The following CADM3 variants were observed in gnomAD, a reference collection of about 807,000 sequenced individuals.
The protein encoded by CADM3 is cell adhesion molecule 3.
In CADM3, 11 loss-of-function variants were observed where a neutral mutation model predicts 44.9. The observed-to-expected ratio is 0.25, with a 90% confidence interval of 0.15 to 0.41. CADM3 has a LOEUF of 0.41. CADM3 is among the 10% of genes least tolerant of loss of function. CADM3 has a pLI of 1.00. For missense variants in CADM3, 426 were observed against 512.0 expected (o/e 0.83, Z 1.62); for synonymous variants, 207 against 205.2 (o/e 1.01, Z -0.08).
intron 5 of CADM3, chr1:159,194,263 A>G (rs1423982634): frequency 4.2e-6 from 2 of 477,986 alleles, no homozygotes; most frequent in Non-Finnish European, 7.4e-6. Context: ...TGTGTCAACT[A>G]CTTAATTCTC....
At chr1:159,191,077 G>A (rs1388381029) in intron 1 of CADM3, among the ~76,000 whole-genome samples, 3 of 152,296 alleles carry the variant, frequency 2.0e-5, no homozygotes, top group East Asian at 1.9e-4. Flanking sequence ...GGGGCTCCCC[G>A]GTAGGCGTGA....
intron 7 of CADM3, 22 bp from the exon 8 acceptor site, chr1:159,199,729 T>C: frequency 1.9e-6 from 3 of 1,614,128 alleles, no homozygotes; most frequent in Non-Finnish European, 2.5e-6. Flanking sequence ...GATCTGACTG[T>C]GTGTGTTGCC....
intron 1 of CADM3, among the ~76,000 whole-genome samples, chr1:159,184,715 A>G (rs1406316133): frequency 2.6e-5 from 4 of 152,248 alleles, no homozygotes; most frequent in East Asian, 1.9e-4. Flanking sequence ...ACTTTCCACT[A>G]AAGTTGCTTA....
intron 1 of CADM3, among the ~76,000 whole-genome samples, chr1:159,176,270 T>C (rs780814450): frequency 1.3e-5 from 2 of 152,220 alleles, no homozygotes; most frequent in Non-Finnish European, 2.9e-5. Context: ...TTTTCTTTTA[T>C]TTTTCATGTT....
intron 1 of CADM3, among the ~76,000 whole-genome samples, chr1:159,186,495 C>T (rs2281300): frequency 0.21 from 32,156 of 152,154 alleles, 4,579 homozygotes; most frequent in East Asian, 0.53. Flanking sequence ...CAGAGTACTC[C>T]TAAGTTTTCC....
intron 1 of CADM3, among the ~76,000 whole-genome samples, chr1:159,172,815 C>T (rs1648869544): frequency 6.6e-6 from 1 of 152,094 alleles, no homozygotes; most frequent in South Asian, 2.1e-4. Context: ...AGAGCCCCTC[C>T]CGCCCTGGGC....
intron 1 of CADM3, chr1:159,178,594 C>G (rs1346798779): frequency 1.3e-5 from 2 of 152,164 alleles, no homozygotes; most frequent in Non-Finnish European, 2.9e-5. Context: ...CTTAACTTCC[C>G]CACCTTTATA....
chr1:159,174,591 G>A (rs1648949216), intron 1 of CADM3, among the ~76,000 whole-genome samples: 1 of 152,204 alleles, frequency 6.6e-6, no homozygotes, highest in Non-Finnish European at 1.5e-5. Context: ...TCATTCCCTG[G>A]AGCACAGCAT....
At chr1:159,185,355 C>T (rs1354323193) in intron 1 of CADM3, among the ~76,000 whole-genome samples, 1 of 152,180 alleles carries the variant, frequency 6.6e-6, no homozygotes, top group African/African-American at 2.4e-5. Flanking sequence ...CCCCTGGCCA[C>T]AATGCAACAA....
Position 159,171,620 on chromosome 1 carries a change from C to T in CADM3, c.-146C>T. The stretch of plus-strand genomic sequence containing the variant: ...CCCGCGACTGCAGCAGCGCCGGCTC[C>T]CTCCCGGTCCCCACCTCGGCCCCGG... On this transcript the variant is annotated 5_prime_UTR_variant, in exon 1 of 9. Transcript: ENST00000368125. The T allele has an allele frequency of 2.2e-6, 1 of 463,854 alleles. No individual in the cohort carries two copies. Among genetic ancestry groups the T allele is most frequent in the Non-Finnish European group, 3.5e-6 (1 of 286,988 alleles). The allele number at this position is 463,854 out of a possible 1,614,324, so 28.7% of individuals were successfully genotyped here.
intron 5 of CADM3, chr1:159,194,246 C>G: frequency 3.9e-6 from 2 of 518,112 alleles, no homozygotes; most frequent in Non-Finnish European, 6.8e-6. Flanking sequence ...GAGACCCATA[C>G]AGCCTCTGTG....
intron 1 of CADM3, among the ~76,000 whole-genome samples, chr1:159,173,504 C>T (rs1648902653): frequency 6.6e-6 from 1 of 152,132 alleles, no homozygotes; most frequent in African/African-American, 2.4e-5. Context: ...GAGACAGCAG[C>T]CTCTCCTTTC....
Position 159,202,994 on chromosome 1 carries a change from A to C in CADM3, c.*2072A>C, listed in dbSNP as rs1650293489. The C allele has an allele frequency of 1.8e-5, 1 of 54,662 alleles. No homozygotes were observed. Among genetic ancestry groups the C allele is most frequent in the Non-Finnish European group, 3.3e-5 (1 of 30,044 alleles). The allele number at this position is 54,662 out of a possible 1,614,324, so 3.4% of individuals were successfully genotyped here. On this transcript the variant is annotated 3_prime_UTR_variant, in exon 9 of 9. Transcript: ENST00000368125. Reference sequence around the variant, plus strand: ...ATATTTGTACGGGGGGGTGGGAGGGAGAGGGGCTGTTGTGCTGTGTGTGTC... The same window carrying C: ...ATATTTGTACGGGGGGGTGGGAGGGCGAGGGGCTGTTGTGCTGTGTGTGTC...
chr1:159,183,172 C>T (rs532054962), intron 1 of CADM3, among the ~76,000 whole-genome samples: 3 of 152,296 alleles, frequency 2.0e-5, no homozygotes, highest in South Asian at 4.1e-4. Context: ...ATCTAAATCT[C>T]TTAGATAATC....
At chr1:159,177,902 T>C (rs894902277) in intron 1 of CADM3, among the ~76,000 whole-genome samples, 12 of 152,232 alleles carry the variant, frequency 7.9e-5, no homozygotes, top group Non-Finnish European at 1.8e-4. Context: ...ATAGTATTGC[T>C]CTTATATGAT....
chr1:159,182,827 C>T (rs1384263296), intron 1 of CADM3, among the ~76,000 whole-genome samples: 2 of 152,130 alleles, frequency 1.3e-5, no homozygotes, highest in Non-Finnish European at 2.9e-5. Flanking sequence ...TTCATAATAC[C>T]TTAAAGTTTG....
chr1:159,199,891 G>A lies in CADM3; in HGVS notation c.1078+15G>A. 2 of 1,612,944 alleles carry A rather than the reference G, an allele frequency of 1.2e-6. No homozygotes were observed. The highest frequency in any genetic ancestry group is 4.5e-5 in the East Asian group (2 of 44,824). On this transcript the variant is annotated intron_variant, in intron 8 of 8. Coordinates refer to ENST00000368125, the MANE Select transcript of CADM3 (RefSeq NM_001127173.3). The stretch of plus-strand genomic sequence containing the variant: ...CCGGCACAAAGGTCAGAGGCACAAA[G>A]AGAGCATCAGCAGAACTTGGGAGGG...
At chr1:159,181,280 C>G (rs1211300795) in intron 1 of CADM3, among the ~76,000 whole-genome samples, 2 of 152,184 alleles carry the variant, frequency 1.3e-5, no homozygotes, top group African/African-American at 2.4e-5. Context: ...AAGAGGACAA[C>G]TAAGAGTTCA....
chr1:159,193,643 G>C (rs1049770180), intron 4 of CADM3, 83 bp downstream of exon 4: 1 of 1,580,370 alleles, frequency 6.3e-7, no homozygotes, highest in Non-Finnish European at 8.7e-7. Flanking sequence ...GTACACAGGA[G>C]GCATGGTATG....
Sources: gnomAD v4.1 joint callset for allele counts (sites outside exome capture counted in the v4.1 genomes callset) on GRCh38, gnomAD v4.1.1 for gene constraint, MANE v1.5 for transcripts, NCBI Gene and HGNC (gene_info 2026-07-23, HGNC 2026-07-21) for gene names.